TASOR2: variants seen among roughly 807,000 people sequenced by gnomAD.
The protein encoded by TASOR2 is protein TASOR 2.
In TASOR2, 84 loss-of-function variants were observed where a neutral mutation model predicts 199.5. The observed-to-expected ratio is 0.42, with a 90% CI of 0.35 to 0.50. TASOR2 has a LOEUF of 0.50. Among genes scored for constraint, TASOR2 ranks in the 20% least tolerant of loss-of-function variants. The probability of loss-of-function intolerance (pLI) is 0.02; values close to 1 mark genes in which losing one functional copy is unlikely to be tolerated. For synonymous variants in TASOR2, 1,103 were observed against 1,046.6 expected, an observed-to-expected ratio of 1.05 and a Z score of -1.04; for missense variants, 2,796 against 2,835.9, an observed-to-expected ratio of 0.99 and a Z score of 0.32.
intron 11 of TASOR2, among the ~76,000 whole-genome samples, chr10:5,732,310 G>A (rs549238323): frequency 2.0e-5 from 3 of 152,368 alleles, no homozygotes; most frequent in South Asian, 4.1e-4. Flanking sequence ...GGGGCCACTC[G>A]GTTGTGCCTG....
chr10:5,735,554 A>C lies in TASOR2; in HGVS notation c.1447+8A>C. ...GAAAGCAGCTACAACCTGGTAAGAA[A>C]TACTCTTCCTATAAATTTAAACACC... is the stretch of plus-strand genomic sequence containing the variant. On this transcript the variant is annotated splice_region_variant and intron_variant, in intron 12 of 20. Transcript: ENST00000328090. 6.2e-7 allele frequency: 1 copy of C among 1,610,598 alleles called. No individual in the cohort carries two copies. Among genetic ancestry groups the C allele is most frequent in the Non-Finnish European group, 8.5e-7 (1 of 1,179,056 alleles).
intron 15 of TASOR2, among the ~76,000 whole-genome samples, chr10:5,755,149 T>G (rs1838741392): frequency 6.6e-6 from 1 of 151,880 alleles, no homozygotes; most frequent in Non-Finnish European, 1.5e-5. Context: ...AATTTGTTAG[T>G]CAAATAAATG....
chr10:5,758,109 A>G (rs565878271), intron 17 of TASOR2, among the ~76,000 whole-genome samples: 4 of 152,326 alleles, frequency 2.6e-5, no homozygotes, highest in African/African-American at 9.6e-5. Context: ...TTATTTAATC[A>G]TCTACTTGAA....
In TASOR2 at chr10:5,751,224, G is replaced by T. The variant is rs567136009; in HGVS notation, c.6606+1197G>T. 1.3e-5 allele frequency among the ~76,000 whole-genome samples: 2 copies of T among 152,316 alleles called. No individual in the cohort carries two copies. The highest frequency in any genetic ancestry group is 3.9e-4 in the East Asian group (2 of 5,188). ...TTAGTAATAAGTTGGGAGCTAACTT[G>T]AGACTGTGTAAAATCCTATTCCTTA... On this transcript the variant is annotated intron_variant, in intron 15 of 20. Coordinates refer to ENST00000328090, the Ensembl canonical transcript of TASOR2. This position sits in a 1 kb window ranked among gnomAD's most constrained non-coding sequence, Gnocchi z 5.3.
rs760347421 is a variant in TASOR2 at position 5,750,012 on chromosome 10, C to T, written c.6591C>T (p.Phe2197=). 4 of 1,598,364 alleles carry T rather than the reference C, an allele frequency of 2.5e-6. No homozygotes were observed. The highest frequency in any genetic ancestry group is 3.4e-6 in the Non-Finnish European group (4 of 1,171,940). ...TTGTCGAAACAGAAGACAAATCATT[C>T]TTTGTAAGAACAAAGGTAAAGTGCC... Residue 2197 remains phenylalanine, a synonymous_variant, in exon 15 of 21, where the codon TTC becomes TTT. Transcript: ENST00000328090. This position sits in a 1 kb window ranked among gnomAD's most constrained non-coding sequence, Gnocchi z 5.4.
exon 15 of TASOR2, chr10:5,747,734 T>C: frequency 6.2e-7 from 1 of 1,614,018 alleles, no homozygotes; most frequent in East Asian, 2.2e-5. Context: ...AGCAACCAAA[T>C]CTCCCAATGT....
chr10:5,756,493 C>A, intron 15 of TASOR2, 120 bp from the exon 17 acceptor site: 4 of 930,828 alleles, frequency 4.3e-6, no homozygotes, highest in South Asian at 4.1e-5. Context: ...AGTAATAAGA[C>A]AAATTGTCAT....
Position 5,720,489 on chromosome 10 carries a change from G to T in TASOR2, c.-99-55G>T, listed in dbSNP as rs1298092336. ...GCTCGGTGGGGTTGAGAAAAACTTGGTACATATGCAGTTCCATAGTGCTAC... is the reference window on the plus strand; with the variant it reads ...GCTCGGTGGGGTTGAGAAAAACTTGTTACATATGCAGTTCCATAGTGCTAC... On this transcript the variant is annotated intron_variant, in intron 3 of 20. Coordinates refer to ENST00000328090, the Ensembl canonical transcript of TASOR2. The surrounding 1 kb of genome is among the most constrained non-coding windows in gnomAD (Gnocchi z 5.3). 10 of 1,457,694 alleles carry T rather than the reference G, an allele frequency of 6.9e-6. No individual in the cohort carries two copies. The highest frequency in any genetic ancestry group is 2.7e-5 in the Admixed American group (1 of 37,134). 90.3% of individuals were successfully genotyped at this position (1,457,694 alleles called of 1,614,324 possible).
At chr10:5,707,047 T>C (rs1470740572) in intron 1 of TASOR2, among the ~76,000 whole-genome samples, 2 of 151,822 alleles carry the variant, frequency 1.3e-5, no homozygotes, top group Non-Finnish European at 2.9e-5. Context: ...GCCATTGTTA[T>C]CATTAATAAC....
In TASOR2 at chr10:5,735,644, T is replaced by C. The variant is rs531074149; in HGVS notation, c.1447+98T>C. ...AAATAGTGTAAGAGCAGTTGCAATG[T>C]CCCAATAATTTTTTCTGTGTTTTTC... On this transcript the variant is annotated intron_variant, in intron 12 of 20. Transcript: ENST00000328090. 13 of 1,402,886 alleles carry C rather than the reference T, an allele frequency of 9.3e-6. No individual in the cohort carries two copies. The East Asian group carries it at 3.1e-4, about 34-fold the overall frequency. The allele number at this position is 1,402,886 out of a possible 1,614,324, so 86.9% of individuals were successfully genotyped here.
At chr10:5,732,323 T>A (rs904755631) in intron 11 of TASOR2, among the ~76,000 whole-genome samples, 7 of 152,274 alleles carry the variant, frequency 4.6e-5, no homozygotes, top group Admixed American at 2.0e-4. Context: ...TGTGCCTGTG[T>A]CGTCTCTGGC....
At position 5,706,827 on chromosome 10, in the gene TASOR2, A is replaced by G. The variant is rs903030319; in HGVS notation, c.-287-5996A>G. ...AGACCAACCTGGCTAACATGGTGAA[A>G]TCCCATCTCTACTAAAAATACAAAA... On this transcript the variant is annotated intron_variant, in intron 1 of 20. Coordinates refer to ENST00000328090, the Ensembl canonical transcript of TASOR2. This position sits in a 1 kb window ranked among gnomAD's most constrained non-coding sequence, Gnocchi z 4.8. Among the ~76,000 whole-genome samples the G allele has an allele frequency of 2.0e-5, 3 of 152,060 alleles. No individual in the cohort carries two copies. The highest frequency in any genetic ancestry group is 7.2e-5 in the African/African-American group (3 of 41,394).
rs1836549016 is a variant in TASOR2, at chr10:5,742,313, T to C, written c.2544T>C (p.Ser848=). The C allele has an allele frequency of 1.2e-6, 2 of 1,614,202 alleles. No homozygotes were observed. The highest frequency in any genetic ancestry group is 4.5e-5 in the East Asian group (2 of 44,876). Residue 848 remains serine (S), a synonymous_variant, in exon 14 of 21, where the codon TCT becomes TCC. Coordinates refer to ENST00000328090, the Ensembl canonical transcript of TASOR2. The surrounding 1 kb of genome is among the most constrained non-coding windows in gnomAD (Gnocchi z 4.2). ...AGTCCCTTGGTTTGGAAAAATGTTCTGCAGACTCTCTGTTGGAGACTAACG... is the reference window on the plus strand; with the variant it reads ...AGTCCCTTGGTTTGGAAAAATGTTCCGCAGACTCTCTGTTGGAGACTAACG...
exon 15 of TASOR2, chr10:5,747,222 G>A: frequency 6.2e-7 from 1 of 1,614,150 alleles, no homozygotes; most frequent in Non-Finnish European, 8.5e-7. Context: ...GCCTGTCTGT[G>A]AGTAGAGAGG....
rs1011883666 is a variant in TASOR2 at position 5,720,036 on chromosome 10, C to CCTGA, written c.-99-508_-99-507insCTGA. 2.0e-5 allele frequency among the ~76,000 whole-genome samples: 3 copies of CCTGA among 152,112 alleles called. No individual in the cohort carries two copies. The highest frequency in any genetic ancestry group is 4.4e-5 in the Non-Finnish European group (3 of 68,024). On this transcript the variant is annotated intron_variant, in intron 3 of 20. Coordinates refer to ENST00000328090, the Ensembl canonical transcript of TASOR2. This position sits in a 1 kb window ranked among gnomAD's most constrained non-coding sequence, Gnocchi z 5.3. ...AAAAACTATGGATATTTGTCTCAGA[C>CCTGA]GCCCAAATGTCCAAAATTTTTGAGT...
chr10:5,686,471 T>C (rs1835828271), intron 1 of TASOR2, among the ~76,000 whole-genome samples: 1 of 152,216 alleles, frequency 6.6e-6, no homozygotes, highest in Non-Finnish European at 1.5e-5. Context: ...TTTCAAGATA[T>C]CCCTATAACT....
rs546012517 is a variant in TASOR2 at position 5,702,259 on chromosome 10, T to C, written c.-287-10564T>C. Among the ~76,000 whole-genome samples the C allele has an allele frequency of 9.2e-5, 14 of 152,340 alleles. No homozygotes were observed. In the South Asian group the frequency reaches 2.9e-3, roughly 32 times the overall value. On this transcript the variant is annotated intron_variant, in intron 1 of 20. Coordinates refer to ENST00000328090, the Ensembl canonical transcript of TASOR2. ...TAGTTCTGTTAATATATCACATTTATTGATTTGCACATGTTGGACCATCCT... is the reference window on the plus strand; with the variant it reads ...TAGTTCTGTTAATATATCACATTTACTGATTTGCACATGTTGGACCATCCT...
At chr10:5,744,186 T>C (rs1007521023) in intron 14 of TASOR2, 1 of 152,264 alleles carries the variant, frequency 6.6e-6, no homozygotes, top group African/African-American at 2.4e-5. Flanking sequence ...AGCCACATGA[T>C]TGGGAGGGCC....
intron 2 of TASOR2, among the ~76,000 whole-genome samples, chr10:5,716,200 C>G (rs1832606402): frequency 6.6e-6 from 1 of 152,170 alleles, no homozygotes; most frequent in African/African-American, 2.4e-5. Flanking sequence ...CTGTTGTTGA[C>G]CAAAATGTTA....
Sources: allele counts gnomAD v4.1 joint callset (sites outside exome capture counted in the v4.1 genomes callset), GRCh38; gene constraint gnomAD v4.1.1; non-coding constraint Gnocchi (gnomAD v3.1); transcripts MANE v1.5; gene names NCBI Gene and HGNC (gene_info 2026-07-23, HGNC 2026-07-21).